ECE1: variants seen among roughly 807,000 people sequenced by gnomAD.
The protein encoded by ECE1 is endothelin converting enzyme 1, also known as endothelin-converting enzyme 1.
Under a neutral mutation model 98.6 loss-of-function variants are expected in ECE1, and 35 were observed. That is an observed-to-expected ratio of 0.35 (90% CI 0.27 to 0.47). The LOEUF (loss-of-function observed/expected upper bound fraction) is 0.47. ECE1 is among the 20% of genes least tolerant of loss of function. The pLI, the probability that ECE1 is intolerant of heterozygous loss-of-function variation, is 1.00. For missense variants in ECE1, 814 were observed against 1,025.3 expected, an observed-to-expected ratio of 0.79 and a Z score of 2.81; for synonymous variants, 394 against 407.1, an observed-to-expected ratio of 0.97 and a Z score of 0.39.
intron 1 of ECE1, among the ~76,000 whole-genome samples, chr1:21,341,716 T>C (rs1464471227): frequency 6.6e-6 from 1 of 152,160 alleles, no homozygotes; most frequent in Non-Finnish European, 1.5e-5. Flanking sequence ...CACTGTGCTC[T>C]GGGAGCCCCA....
At chr1:21,226,366 G>A (rs532414217) in intron 16 of ECE1, among the ~76,000 whole-genome samples, 1 of 152,280 alleles carries the variant, frequency 6.6e-6, no homozygotes, top group East Asian at 1.9e-4. Flanking sequence ...GAACCATCAC[G>A]CTCCTTTTAC....
intron 8 of ECE1, among the ~76,000 whole-genome samples, chr1:21,251,844 T>C (rs2098213268): frequency 6.6e-6 from 1 of 152,184 alleles, no homozygotes; most frequent in East Asian, 1.9e-4. Flanking sequence ...TATACCTGCT[T>C]GCCCAATAAC....
intron 10 of ECE1, among the ~76,000 whole-genome samples, chr1:21,239,573 C>T (rs748555358): frequency 2.6e-5 from 4 of 152,134 alleles, no homozygotes; most frequent in Non-Finnish European, 4.4e-5. Flanking sequence ...CTGATATATA[C>T]GACAGCATGG....
chr1:21,261,151 G>A (rs959789643), intron 4 of ECE1, among the ~76,000 whole-genome samples: 4 of 152,198 alleles, frequency 2.6e-5, no homozygotes, highest in African/African-American at 9.7e-5. Context: ...CTCTGTGCAT[G>A]AGCCTTCTTC....
At chr1:21,247,390 C>G (rs1166713736) in intron 8 of ECE1, 27 bp from the exon 9 acceptor site, 1 of 1,614,160 alleles carries the variant, frequency 6.2e-7, no homozygotes. Flanking sequence ...CAGTGTGACC[C>G]TGTGGGGCTG....
At position 21,222,492 on chromosome 1, in the gene ECE1, A is replaced by G. The variant is rs1332327565; in HGVS notation, c.2041-650T>C. Reference sequence around the variant, plus strand: ...ATGGCCAGAGAGTGAGCACATTGGGATTTGTGGGCTAATGGTCACCGCTGC... The same window carrying G: ...ATGGCCAGAGAGTGAGCACATTGGGGTTTGTGGGCTAATGGTCACCGCTGC... On this transcript the variant is annotated intron_variant, in intron 17 of 18. Coordinates refer to ENST00000374893, the MANE Select transcript of ECE1 (RefSeq NM_001397.3). 2.6e-5 allele frequency among the ~76,000 whole-genome samples: 4 copies of G among 152,206 alleles called. No homozygotes were observed. The East Asian group carries it at 7.7e-4, about 29-fold the overall frequency.
chr1:21,265,226 C>A (rs563092329), intron 4 of ECE1, among the ~76,000 whole-genome samples: 28 of 152,254 alleles, frequency 1.8e-4, no homozygotes, highest in African/African-American at 6.7e-4. Context: ...AGCACTCTAG[C>A]CTGCGGGAGG....
Position 21,260,668 on chromosome 1 carries a change from T to C in ECE1, c.494-276A>G, listed in dbSNP as rs1033511631. ...TCTGCCAGTTGGGTTCACAGACGTG[T>C]CCCCGGGTTGACCGCACGTGCCCAC... is the stretch of plus-strand genomic sequence containing the variant. On this transcript the variant is annotated intron_variant, in intron 4 of 18. Coordinates refer to ENST00000374893, the MANE Select transcript of ECE1 (RefSeq NM_001397.3). The surrounding 1 kb of genome is among the most constrained non-coding windows in gnomAD (Gnocchi z 4.3). Among the ~76,000 whole-genome samples, 1 of 152,142 alleles carries C rather than the reference T, an allele frequency of 6.6e-6. No individual in the cohort carries two copies. The highest frequency in any genetic ancestry group is 2.4e-5 in the African/African-American group (1 of 41,436).
chr1:21,243,723 T>C (rs1457637340), intron 10 of ECE1, among the ~76,000 whole-genome samples: 2 of 152,250 alleles, frequency 1.3e-5, no homozygotes, highest in African/African-American at 2.4e-5. Context: ...AACAGAATCC[T>C]GGCTTTGGCC....
At chr1:21,326,284 CAA>C (rs1170441338) in intron 1 of ECE1, among the ~76,000 whole-genome samples, 2 of 151,994 alleles carry the variant, frequency 1.3e-5, no homozygotes, top group Non-Finnish European at 2.9e-5. Flanking sequence ...GTGGCAGGAT[CAA>C]GCTTGTCTCT....
In ECE1 at chr1:21,248,771, TG is replaced by T. The variant is rs1214043153; in HGVS notation, c.1021-1409del. On this transcript the variant is annotated intron_variant, in intron 8 of 18. Coordinates refer to ENST00000374893, the MANE Select transcript of ECE1 (RefSeq NM_001397.3). ...TCCCTAGTAGCTGGGATTACAGGTGTGAGCCACCACTCCTGGCTAATTTTTG... is the reference window on the plus strand; with the variant it reads ...TCCCTAGTAGCTGGGATTACAGGTGTAGCCACCACTCCTGGCTAATTTTTG... Among the ~76,000 whole-genome samples, 26 of 152,082 alleles carry T rather than the reference TG, an allele frequency of 1.7e-4. No individual in the cohort carries two copies. The East Asian group carries it at 4.3e-3, about 25-fold the overall frequency.
upstream of ECE1, chr1:21,294,434 G>A (rs1437139087): frequency 2.0e-5 from 3 of 152,608 alleles, no homozygotes; most frequent in African/African-American, 4.8e-5. The surrounding 1 kb of genome is among the most constrained non-coding windows in gnomAD (Gnocchi z 4.2). Flanking sequence ...TGGGTCTAGT[G>A]TTCAAGAGGA....
intron 1 of ECE1, among the ~76,000 whole-genome samples, chr1:21,311,975 T>C (rs1402941981): frequency 6.6e-6 from 1 of 150,988 alleles, no homozygotes; most frequent in Non-Finnish European, 1.5e-5. Context: ...ATATAAAAAT[T>C]AGCCGGGCAT....
At chr1:21,284,097 A>G (rs1034022762) in intron 2 of ECE1, among the ~76,000 whole-genome samples, 1 of 152,180 alleles carries the variant, frequency 6.6e-6, no homozygotes, top group Admixed American at 6.5e-5. Context: ...TCTGCTTCCA[A>G]TGGCCGCTGG....
rs893847871 is a variant in ECE1 at position 21,218,501 on chromosome 1, G to A, written c.*1454C>T. On this transcript the variant is annotated 3_prime_UTR_variant, in exon 19 of 19. Coordinates refer to ENST00000374893, the MANE Select transcript of ECE1 (RefSeq NM_001397.3). The surrounding 1 kb of genome is among the most constrained non-coding windows in gnomAD (Gnocchi z 4.0). ...CCTCAGATAAGGCACTAGAGGACTG[G>A]ACTGGTCCTGGGAGCCAGGCCCAGC... 1 of 152,378 alleles carries A rather than the reference G, an allele frequency of 6.6e-6. No individual in the cohort carries two copies. Among genetic ancestry groups the A allele is most frequent in the African/African-American group, 2.4e-5 (1 of 41,468 alleles). 9.4% of individuals were successfully genotyped at this position (152,378 alleles called of 1,614,324 possible).
intron 10 of ECE1, 22 bp downstream of exon 10, chr1:21,244,967 G>A (rs780353643): frequency 4.5e-5 from 72 of 1,602,762 alleles, no homozygotes; most frequent in Non-Finnish European, 5.7e-5. Flanking sequence ...CCATATTCAG[G>A]CATACGCAGT....
At chr1:21,250,734 G>A (rs2098211624) in intron 8 of ECE1, among the ~76,000 whole-genome samples, 1 of 152,124 alleles carries the variant, frequency 6.6e-6, no homozygotes, top group Non-Finnish European at 1.5e-5. Context: ...GAGGCCGGGC[G>A]CGGTGGCTCA....
intron 2 of ECE1, 77 bp downstream of exon 2, chr1:21,289,993 C>CGGGGGGGGGGGGGGGGGGGGGGG: frequency 1.2e-5 from 11 of 897,768 alleles, no homozygotes; most frequent in Admixed American, 9.8e-5. Flanking sequence ...TAGGTAGGGG[C>CGGGGGGGGGGGGGGGGGGGGGGG]GGGGGGCGCG....
At position 21,248,768 on chromosome 1, in the gene ECE1, G is replaced by GCA. The variant is rs1362996415; in HGVS notation, c.1021-1406_1021-1405insTG. ...GCCTCCCTAGTAGCTGGGATTACAG[G>GCA]TGTGAGCCACCACTCCTGGCTAATT... On this transcript the variant is annotated intron_variant, in intron 8 of 18. Coordinates refer to ENST00000374893, the MANE Select transcript of ECE1 (RefSeq NM_001397.3). Among the ~76,000 whole-genome samples, 26 of 152,130 alleles carry GCA rather than the reference G, an allele frequency of 1.7e-4. No individual in the cohort carries two copies. In the East Asian group the frequency reaches 4.3e-3, roughly 25 times the overall value.
Sources: gnomAD v4.1 joint callset for allele counts (sites outside exome capture counted in the v4.1 genomes callset) on GRCh38, gnomAD v4.1.1 for gene constraint, Gnocchi (gnomAD v3.1) non-coding constraint, MANE v1.5 for transcripts, NCBI Gene and HGNC (gene_info 2026-07-23, HGNC 2026-07-21) for gene names.